SCFD2: variants seen among roughly 807,000 people sequenced by gnomAD.
SCFD2 encodes sec1 family domain containing 2.
A neutral mutation model predicts 58.9 loss-of-function variants in SCFD2; 54 were observed. That is an observed-to-expected ratio of 0.92 (90% CI 0.74 to 1.15). The LOEUF (loss-of-function observed/expected upper bound fraction) is 1.15, where lower values mean the gene tolerates loss of function less well. Ranked by LOEUF, SCFD2 falls within the 50% of genes most tolerant of loss-of-function variation. The pLI is 0.00. For missense variants in SCFD2, 805 were observed against 836.6 expected (o/e 0.96, Z 0.47); for synonymous variants, 321 against 335.9 (o/e 0.96, Z 0.49).
At chr4:52,909,733 A>G (rs1354243526) in intron 6 of SCFD2, among the ~76,000 whole-genome samples, 1 of 152,246 alleles carries the variant, frequency 6.6e-6, no homozygotes, top group East Asian at 1.9e-4. Context: ...AAAGCACACC[A>G]AAATGTTATT....
intron 4 of SCFD2, among the ~76,000 whole-genome samples, chr4:53,236,884 C>A (rs991128579): frequency 6.6e-6 from 1 of 150,564 alleles, no homozygotes; most frequent in Non-Finnish European, 1.5e-5. Context: ...GTGTTTCTCA[C>A]AGAGGGGGAT....
Position 53,277,575 on chromosome 4 carries a change from TCTC to T in SCFD2, c.1136-3577_1136-3575del, listed in dbSNP as rs1160711658. The stretch of plus-strand genomic sequence containing the variant: ...AAAACTGCCTACCTCTCCAACCCCA[TCTC>T]CTCAACTGAAAGAAGAGGAATTAAA... On this transcript the variant is annotated intron_variant, in intron 3 of 8. Transcript: ENST00000401642. Among the ~76,000 whole-genome samples the T allele has an allele frequency of 2.0e-5, 3 of 152,188 alleles. No individual in the cohort carries two copies. In the South Asian group the frequency reaches 6.2e-4, roughly 32 times the overall value.
intron 2 of SCFD2, among the ~76,000 whole-genome samples, chr4:53,334,495 G>A (rs566091252): frequency 5.3e-4 from 79 of 148,448 alleles, no homozygotes; most frequent in South Asian, 4.7e-3. Context: ...GTAAACTATC[G>A]CAAGAACAAA....
chr4:52,873,226 C>T lies in SCFD2; in HGVS notation c.*743G>A, dbSNP rs1718391738. 2 of 152,238 alleles carry T rather than the reference C, an allele frequency of 1.3e-5. No homozygotes were observed. The highest frequency in any genetic ancestry group is 4.1e-4 in the South Asian group (2 of 4,832). The allele number at this position is 152,238 out of a possible 1,614,324, so 9.4% of individuals were successfully genotyped here. The stretch of plus-strand genomic sequence containing the variant: ...ACAGGGGTTGCTGTTACAATTTAGA[C>T]TCCCTGGGACCAGGTATCTTGTACT... On this transcript the variant is annotated 3_prime_UTR_variant, in exon 9 of 9. Transcript: ENST00000401642.
chr4:53,323,530 A>ATTTTT (rs1201482656), intron 2 of SCFD2, among the ~76,000 whole-genome samples: 6,671 of 106,244 alleles, frequency 0.063, 293 homozygotes, highest in East Asian at 0.13. Flanking sequence ...TGCCCAGCTA[A>ATTTTT]TTTTTTTTTT....
intron 2 of SCFD2, among the ~76,000 whole-genome samples, chr4:53,350,034 A>C (rs991350290): frequency 6.6e-6 from 1 of 152,140 alleles, no homozygotes; most frequent in Non-Finnish European, 1.5e-5. Flanking sequence ...CCTCATAGAG[A>C]TATTGTGAGA....
chr4:53,222,786 T>C (rs949094543), intron 4 of SCFD2, among the ~76,000 whole-genome samples: 6 of 152,182 alleles, frequency 3.9e-5, no homozygotes, highest in African/African-American at 1.4e-4. Flanking sequence ...GGTACCACAA[T>C]GTTTAAAGCC....
intron 4 of SCFD2, among the ~76,000 whole-genome samples, chr4:53,238,299 G>GA (rs1179233526): frequency 4.4e-4 from 1 of 2,288 alleles, no homozygotes; most frequent in African/African-American, 5.7e-4. Context: ...AGCTGGCCGG[G>GA]TGGGGGCTGA....
intron 5 of SCFD2, among the ~76,000 whole-genome samples, chr4:53,057,133 T>G (rs1214571634): frequency 6.6e-6 from 1 of 152,080 alleles, no homozygotes; most frequent in African/African-American, 2.4e-5. Context: ...TGCAGTGAGC[T>G]GAGATCGCAC....
intron 5 of SCFD2, among the ~76,000 whole-genome samples, chr4:53,110,041 G>GGAACA (rs56074725): frequency 0.24 from 35,834 of 151,110 alleles, 4,397 homozygotes; most frequent in Non-Finnish European, 0.27. Flanking sequence ...ACAGACCAAT[G>GGAACA]GAACAGAACA....
chr4:53,192,471 T>C lies in SCFD2; in HGVS notation c.1312-46889A>G, dbSNP rs181247717. Among the ~76,000 whole-genome samples, 10 of 152,332 alleles carry C rather than the reference T, an allele frequency of 6.6e-5. No homozygotes were observed. The East Asian group carries it at 1.3e-3, about 21-fold the overall frequency. On this transcript the variant is annotated intron_variant, in intron 4 of 8. Coordinates refer to ENST00000401642, the MANE Select transcript of SCFD2 (RefSeq NM_152540.4). ...TAGGGGAAACTGAGTGAGGGGTATA[T>C]AGGAACTCTCTGTACTATCTGTGCA...
chr4:53,202,987 C>A (rs1328409589), intron 4 of SCFD2, among the ~76,000 whole-genome samples: 2 of 152,214 alleles, frequency 1.3e-5, no homozygotes, highest in African/African-American at 4.8e-5. Context: ...GGCAATTTGA[C>A]TTCCTCTTTT....
intron 4 of SCFD2, among the ~76,000 whole-genome samples, chr4:53,180,830 A>G (rs1414405408): frequency 1.3e-5 from 2 of 152,162 alleles, no homozygotes; most frequent in Non-Finnish European, 2.9e-5. Context: ...TATCACCACC[A>G]ATCCCACAGA....
At chr4:53,348,842 G>A (rs1246911587) in intron 2 of SCFD2, among the ~76,000 whole-genome samples, 1 of 151,572 alleles carries the variant, frequency 6.6e-6, no homozygotes, top group African/African-American at 2.4e-5. Context: ...AACCTCCCGA[G>A]TAGCTGGGAT....
At chr4:53,288,262 A>G (rs1731733068) in intron 3 of SCFD2, among the ~76,000 whole-genome samples, 1 of 152,200 alleles carries the variant, frequency 6.6e-6, no homozygotes, top group South Asian at 2.1e-4. Context: ...ATAGAGTAGC[A>G]TTAACCATAT....
chr4:53,005,463 T>A (rs1456798682), intron 5 of SCFD2, among the ~76,000 whole-genome samples: 1 of 152,160 alleles, frequency 6.6e-6, no homozygotes, highest in Non-Finnish European at 1.5e-5. Flanking sequence ...TTCCACTTTT[T>A]CATAAGGAGA....
intron 5 of SCFD2, among the ~76,000 whole-genome samples, chr4:53,059,319 G>A (rs1577694290): frequency 1.3e-5 from 2 of 152,128 alleles, no homozygotes; most frequent in Non-Finnish European, 2.9e-5. Context: ...GGCAAAGCCA[G>A]CATTTACAAC....
intron 2 of SCFD2, among the ~76,000 whole-genome samples, chr4:53,343,097 A>G (rs572645733): frequency 6.6e-6 from 1 of 152,340 alleles, no homozygotes; most frequent in South Asian, 2.1e-4. Context: ...AAGGCAAGAA[A>G]TAACGAAGAT....
chr4:53,259,559 A>T (rs539127617), intron 4 of SCFD2, among the ~76,000 whole-genome samples: 6 of 152,190 alleles, frequency 3.9e-5, no homozygotes, highest in Admixed American at 1.3e-4. Flanking sequence ...TGGGTTCTCT[A>T]TTCTGTTCCA....
Sources: allele counts gnomAD v4.1 joint callset (sites outside exome capture counted in the v4.1 genomes callset), GRCh38; gene constraint gnomAD v4.1.1; transcripts MANE v1.5; gene names NCBI Gene and HGNC (gene_info 2026-07-23, HGNC 2026-07-21).